The following FTCDNL1 variants were observed in gnomAD, a reference collection of about 807,000 sequenced individuals.
FTCDNL1 encodes formiminotransferase cyclodeaminase N-terminal like.
In FTCDNL1, 11 loss-of-function variants were observed where a neutral mutation model predicts 5.9. The ratio of observed to expected loss-of-function variants is 1.87; its 90% CI spans 1.18 to 3.10. FTCDNL1 has a LOEUF of 3.10. Among genes scored for constraint, FTCDNL1 ranks in the 30% most tolerant of loss-of-function variants. FTCDNL1 has a pLI of 0.00. For synonymous variants in FTCDNL1, 58 were observed against 24.8 expected (o/e 2.34, Z -3.99); for missense variants, 115 against 65.5 (o/e 1.76, Z -2.61).
At chr2:199,689,912 A>C in the FTCDNL1 span, among the ~76,000 whole-genome samples, 11,045 of 152,102 alleles carry the variant, frequency 0.073, 1,369 homozygotes, top group African/African-American at 0.25. Flanking sequence ...AAACATATGG[A>C]AATAATATAA....
At chr2:199,730,728 C>T in the FTCDNL1 span, among the ~76,000 whole-genome samples, 1 of 152,198 alleles carries the variant, frequency 6.6e-6, no homozygotes, top group Admixed American at 6.5e-5. Flanking sequence ...AATAGGAACA[C>T]TTTTACACTG....
At chr2:199,669,387 G>A in the FTCDNL1 span, among the ~76,000 whole-genome samples, 1 of 152,114 alleles carries the variant, frequency 6.6e-6, no homozygotes, top group Non-Finnish European at 1.5e-5. Flanking sequence ...ATTTTCAAAG[G>A]TTTCCATCTG....
the FTCDNL1 span, among the ~76,000 whole-genome samples, chr2:199,722,019 G>T: frequency 1.1e-3 from 168 of 152,258 alleles, no homozygotes; most frequent in African/African-American, 3.8e-3. Flanking sequence ...GTAGATTCTG[G>T]ATATTAGACC....
the FTCDNL1 span, among the ~76,000 whole-genome samples, chr2:199,681,167 C>T: frequency 6.6e-6 from 1 of 152,198 alleles, no homozygotes; most frequent in Non-Finnish European, 1.5e-5. Context: ...AAAAGCCAGG[C>T]TTTCAGCCAG....
intron 3 of FTCDNL1, among the ~76,000 whole-genome samples, chr2:199,840,557 A>G (rs1177503438): frequency 6.6e-6 from 1 of 152,084 alleles, no homozygotes; most frequent in Non-Finnish European, 1.5e-5. Flanking sequence ...AAGTCAATAG[A>G]TAATGCCTAA....
chr2:199,771,860 G>A (rs1283478043), intron 3 of FTCDNL1, among the ~76,000 whole-genome samples: 1 of 152,162 alleles, frequency 6.6e-6, no homozygotes, highest in African/African-American at 2.4e-5. Flanking sequence ...TATGTTCCAA[G>A]ACTCCAGTGG....
chr2:199,796,082 C>T (rs1361237007), intron 3 of FTCDNL1, among the ~76,000 whole-genome samples: 1 of 151,942 alleles, frequency 6.6e-6, no homozygotes. Flanking sequence ...GAGATACCAA[C>T]TATGTCTTCT....
chr2:199,732,067 T>C, the FTCDNL1 span, among the ~76,000 whole-genome samples: 1 of 152,244 alleles, frequency 6.6e-6, no homozygotes, highest in Non-Finnish European at 1.5e-5. Context: ...CAATTTAACA[T>C]GTTCACTGTT....
intron 3 of FTCDNL1, among the ~76,000 whole-genome samples, chr2:199,785,313 T>C (rs1184761554): frequency 7.8e-6 from 1 of 128,566 alleles, no homozygotes; most frequent in Admixed American, 9.6e-5. Flanking sequence ...AGTGGTGCGA[T>C]CTCAGCTCAC....
chr2:199,731,369 GT>G, the FTCDNL1 span, among the ~76,000 whole-genome samples: 18,165 of 152,186 alleles, frequency 0.12, 1,337 homozygotes, highest in Middle Eastern at 0.3. Context: ...ATAAAAAAAT[GT>G]TTTTAAAATG....
At chr2:199,848,112 T>C (rs1405370848) in intron 2 of FTCDNL1, among the ~76,000 whole-genome samples, 1 of 152,254 alleles carries the variant, frequency 6.6e-6, no homozygotes, top group Non-Finnish European at 1.5e-5. Context: ...ATTTAAATGA[T>C]TGTATACACT....
At chr2:199,769,484 C>T (rs968169250) in intron 3 of FTCDNL1, among the ~76,000 whole-genome samples, 16 of 152,050 alleles carry the variant, frequency 1.1e-4, no homozygotes, top group Non-Finnish European at 2.2e-4. Flanking sequence ...TTGAGGCCCC[C>T]CCAGCCATGT....
At chr2:199,730,903 T>C in the FTCDNL1 span, among the ~76,000 whole-genome samples, 2 of 152,258 alleles carry the variant, frequency 1.3e-5, no homozygotes, top group African/African-American at 2.4e-5. Flanking sequence ...TGTATGTTTA[T>C]TGCAGCACTA....
chr2:199,791,801 T>C (rs373909727), intron 3 of FTCDNL1, among the ~76,000 whole-genome samples: 24 of 152,292 alleles, frequency 1.6e-4, no homozygotes, highest in East Asian at 5.8e-4. Context: ...TACAAAGTGA[T>C]GAGAGAGACT....
chr2:199,838,034 C>CCCTCTAT (rs1702876007), intron 3 of FTCDNL1, among the ~76,000 whole-genome samples: 1 of 152,182 alleles, frequency 6.6e-6, no homozygotes, highest in Non-Finnish European at 1.5e-5. Flanking sequence ...CTGACCCCTC[C>CCCTCTAT]CCTCTATCAT....
rs1227470682 is a variant in FTCDNL1 at position 199,809,663 on chromosome 2, A to G, written c.*3042T>C. On this transcript the variant is annotated 3_prime_UTR_variant, in exon 5 of 5. Transcript: ENST00000420128. ...CCAATACCCTTCTCTTTGCTCAAAA[A>G]CAGTATGTTCTCTAAACCTTTAGAC... 6.6e-6 allele frequency among the ~76,000 whole-genome samples: 1 copy of G among 152,194 alleles called. No individual in the cohort carries two copies. The highest frequency in any genetic ancestry group is 1.5e-5 in the Non-Finnish European group (1 of 68,036).
intron 3 of FTCDNL1, among the ~76,000 whole-genome samples, chr2:199,830,184 GAGA>G (rs915633943): frequency 3.8e-4 from 58 of 152,082 alleles, no homozygotes; most frequent in African/African-American, 1.4e-3. Context: ...ATTTTTTAAT[GAGA>G]AGAAGGTAAA....
At chr2:199,721,040 A>G in the FTCDNL1 span, among the ~76,000 whole-genome samples, 5 of 152,224 alleles carry the variant, frequency 3.3e-5, no homozygotes, top group African/African-American at 1.2e-4. Flanking sequence ...GGGCAAGAGA[A>G]AAGGAGAACA....
intron 3 of FTCDNL1, among the ~76,000 whole-genome samples, chr2:199,800,882 G>C (rs185376073): frequency 3.4e-4 from 51 of 152,194 alleles, no homozygotes; most frequent in African/African-American, 1.2e-3. Context: ...AAATAATCTG[G>C]TGTCCTTATA....
Sources: allele counts gnomAD v4.1 joint callset (sites outside exome capture counted in the v4.1 genomes callset), GRCh38; gene constraint gnomAD v4.1.1; transcripts MANE v1.5; gene names NCBI Gene and HGNC (gene_info 2026-07-23, HGNC 2026-07-21).